NUBPL: variants seen among roughly 807,000 people sequenced by gnomAD.
NUBPL encodes the protein iron-sulfur cluster transfer protein NUBPL.
A neutral mutation model predicts 45.7 loss-of-function variants in NUBPL; 31 were observed. The ratio of observed to expected loss-of-function variants is 0.68; its 90% CI spans 0.51 to 0.92. NUBPL has a LOEUF of 0.92. NUBPL is among the 40% of genes least tolerant of loss of function. NUBPL has a pLI of 0.00. For missense variants in NUBPL, 401 were observed against 398.7 expected (o/e 1.01, Z -0.05); for synonymous variants, 144 against 140.9 (o/e 1.02, Z -0.15).
In NUBPL at chr14:31,673,400, CAT is replaced by C; in HGVS notation, c.422+15_422+16del. ...TTGAATTATGGTATTGCTTGGTGAG[CAT>C]ATATATATTTTTAATGTTACTTTTC... On this transcript the variant is annotated splice_region_variant and intron_variant, in intron 5 of 10. Transcript: ENST00000281081. The C allele has an allele frequency of 6.2e-7, 1 of 1,607,000 alleles. No homozygotes were observed. The highest frequency in any genetic ancestry group is 8.5e-7 in the Non-Finnish European group (1 of 1,175,368).
At chr14:31,694,246 T>C (rs952167649) in intron 6 of NUBPL, among the ~76,000 whole-genome samples, 2 of 152,226 alleles carry the variant, frequency 1.3e-5, no homozygotes, top group African/African-American at 4.8e-5. Flanking sequence ...TCAGGTACAT[T>C]AATCCTGATT....
At chr14:31,669,258 G>A (rs1231311327) in intron 4 of NUBPL, among the ~76,000 whole-genome samples, 1 of 152,106 alleles carries the variant, frequency 6.6e-6, no homozygotes, top group Non-Finnish European at 1.5e-5. Flanking sequence ...AATTAAATCA[G>A]GGTAATGAGC....
intron 6 of NUBPL, among the ~76,000 whole-genome samples, chr14:31,768,780 G>A (rs1323496971): frequency 6.6e-6 from 1 of 152,190 alleles, no homozygotes; most frequent in Non-Finnish European, 1.5e-5. Flanking sequence ...CACCCATTGA[G>A]ACTTGTGAAG....
At chr14:31,596,052 G>A (rs1260331728) in intron 3 of NUBPL, among the ~76,000 whole-genome samples, 1 of 151,862 alleles carries the variant, frequency 6.6e-6, no homozygotes, top group South Asian at 2.1e-4. Context: ...GACCACAGGT[G>A]CCCGCCAGCA....
At chr14:31,849,042 G>A (rs1307862715) in intron 9 of NUBPL, among the ~76,000 whole-genome samples, 1 of 152,070 alleles carries the variant, frequency 6.6e-6, no homozygotes, top group East Asian at 1.9e-4. Context: ...ATCCTTAAAT[G>A]GTTACTAAAA....
intron 7 of NUBPL, among the ~76,000 whole-genome samples, chr14:31,805,160 A>G (rs1787423156): frequency 6.6e-6 from 1 of 152,262 alleles, no homozygotes; most frequent in African/African-American, 2.4e-5. Flanking sequence ...CATATGAATA[A>G]AAGCTCAACA....
intron 3 of NUBPL, among the ~76,000 whole-genome samples, chr14:31,574,340 C>T (rs1427074755): frequency 1.3e-5 from 2 of 151,540 alleles, no homozygotes; most frequent in Non-Finnish European, 2.9e-5. Flanking sequence ...TCTCGGCTCA[C>T]TGTAACCTCT....
At chr14:31,626,145 C>G (rs1052662904) in intron 4 of NUBPL, among the ~76,000 whole-genome samples, 18 of 147,830 alleles carry the variant, frequency 1.2e-4, no homozygotes, top group African/African-American at 4.8e-4. Context: ...AGCCATTTAC[C>G]TTTATCTTAT....
intron 6 of NUBPL, among the ~76,000 whole-genome samples, chr14:31,679,179 A>G (rs2036771130): frequency 6.6e-6 from 1 of 152,212 alleles, no homozygotes; most frequent in East Asian, 1.9e-4. Flanking sequence ...GGTGGAGACC[A>G]CAATTCAAGA....
At chr14:31,561,666 G>T (rs1026267003) in intron 1 of NUBPL, 119 bp downstream of exon 1, 2 of 689,876 alleles carry the variant, frequency 2.9e-6, no homozygotes, top group Non-Finnish European at 4.4e-6. Flanking sequence ...CCCCCAGTGT[G>T]CTGGACGTGC....
At chr14:31,669,967 A>C (rs979823930) in intron 4 of NUBPL, among the ~76,000 whole-genome samples, 1 of 151,990 alleles carries the variant, frequency 6.6e-6, no homozygotes, top group African/African-American at 2.4e-5. Context: ...TTTATGGTAC[A>C]ATGATTTATA....
chr14:31,621,465 GA>G (rs2035059798), intron 4 of NUBPL, among the ~76,000 whole-genome samples: 1 of 152,180 alleles, frequency 6.6e-6, no homozygotes, highest in Non-Finnish European at 1.5e-5. Flanking sequence ...AAGACCGTGG[GA>G]AATGTGCAGT....
At chr14:31,586,582 A>G (rs2034002430) in intron 3 of NUBPL, among the ~76,000 whole-genome samples, 1 of 152,176 alleles carries the variant, frequency 6.6e-6, no homozygotes, top group Non-Finnish European at 1.5e-5. Context: ...ACTGAATTGT[A>G]AAGAGGAAGA....
rs140154175 is a variant in NUBPL, at chr14:31,643,675, G to A, written c.383-29680G>A. On this transcript the variant is annotated intron_variant, in intron 4 of 10. Coordinates refer to ENST00000281081, the MANE Select transcript of NUBPL (RefSeq NM_025152.3). ...ATTCTGGCCTTATAGGATCCGTTTG[G>A]AAGTATTCCCTCTTATTTATTTTTT... Among the ~76,000 whole-genome samples, 1,038 of 152,116 alleles carry A rather than the reference G, an allele frequency of 6.8e-3. 5 individuals carry two copies. Among genetic ancestry groups the A allele is most frequent in the Non-Finnish European group, 9.8e-3 (666 of 67,942 alleles).
intron 4 of NUBPL, among the ~76,000 whole-genome samples, chr14:31,648,873 A>T (rs550658066): frequency 6.6e-6 from 1 of 152,214 alleles, no homozygotes; most frequent in East Asian, 1.9e-4. Context: ...CAGTGGTGCT[A>T]TCTTGGCTCA....
Position 31,661,644 on chromosome 14 carries a change from C to G in NUBPL, c.383-11711C>G, listed in dbSNP as rs566558090. 1.4e-4 allele frequency among the ~76,000 whole-genome samples: 21 copies of G among 152,298 alleles called. No individual in the cohort carries two copies. The South Asian group carries it at 4.4e-3, about 32-fold the overall frequency. ...GCAACCTCTGCCTCCTGGGTTCACA[C>G]CACTCTCCTGCCTCACCTCCCGAGT... On this transcript the variant is annotated intron_variant, in intron 4 of 10. Transcript: ENST00000281081.
At chr14:31,804,093 G>C (rs1169769734) in intron 7 of NUBPL, among the ~76,000 whole-genome samples, 1 of 151,986 alleles carries the variant, frequency 6.6e-6, no homozygotes, top group Non-Finnish European at 1.5e-5. Flanking sequence ...AAACTCTTTA[G>C]GGCTCTTGTA....
At chr14:31,730,709 A>G (rs1294386939) in intron 6 of NUBPL, among the ~76,000 whole-genome samples, 2 of 152,000 alleles carry the variant, frequency 1.3e-5, no homozygotes, top group Non-Finnish European at 2.9e-5. Flanking sequence ...CTCATGATCC[A>G]TCCACCTTGG....
At chr14:31,617,859 T>C (rs1410249685) in intron 4 of NUBPL, among the ~76,000 whole-genome samples, 1 of 152,242 alleles carries the variant, frequency 6.6e-6, no homozygotes, top group East Asian at 1.9e-4. Context: ...TGGTACCAGC[T>C]CCTCTTTGTA....
Sources: gnomAD v4.1 joint callset for allele counts (sites outside exome capture counted in the v4.1 genomes callset) on GRCh38, gnomAD v4.1.1 for gene constraint, MANE v1.5 for transcripts, NCBI Gene and HGNC (gene_info 2026-07-23, HGNC 2026-07-21) for gene names.